IGFBP7: variants seen among roughly 807,000 people sequenced by gnomAD.
IGFBP7 encodes insulin-like growth factor-binding protein 7.
A neutral mutation model predicts 29.4 loss-of-function variants in IGFBP7; 31 were observed. The ratio of observed to expected loss-of-function variants is 1.05; its 90% confidence interval spans 0.79 to 1.42. The LOEUF (loss-of-function observed/expected upper bound fraction) is 1.42, where lower values mean the gene tolerates loss of function less well. Among genes scored for constraint, IGFBP7 ranks in the 40% most tolerant of loss-of-function variants. IGFBP7 has a pLI of 0.00. For missense variants in IGFBP7, 393 were observed against 395.5 expected, an observed-to-expected ratio of 0.99 and a Z score of 0.05; for synonymous variants, 172 against 174.9, an observed-to-expected ratio of 0.98 and a Z score of 0.13.
intron 1 of IGFBP7, among the ~76,000 whole-genome samples, chr4:57,054,303 GCTGA>G (rs1724586613): frequency 1.5e-5 from 2 of 130,526 alleles, no homozygotes; most frequent in Non-Finnish European, 3.4e-5. Flanking sequence ...TAGGCCCTGC[GCTGA>G]CTAACAAGAA....
At chr4:57,042,206 G>A (rs909399590) in intron 1 of IGFBP7, among the ~76,000 whole-genome samples, 1 of 152,182 alleles carries the variant, frequency 6.6e-6, no homozygotes, top group African/African-American at 2.4e-5. Context: ...CAAACCATGT[G>A]TATCCTTTTT....
intron 1 of IGFBP7, among the ~76,000 whole-genome samples, chr4:57,046,874 T>C (rs1724373585): frequency 6.6e-6 from 1 of 152,214 alleles, no homozygotes; most frequent in East Asian, 1.9e-4. Context: ...CAAACCAGGC[T>C]ACCCCACTTT....
chr4:57,073,074 C>T (rs904990027), intron 1 of IGFBP7: 8 of 1,535,618 alleles, frequency 5.2e-6, no homozygotes, highest in East Asian at 2.3e-5. Context: ...CCCCCCACAG[C>T]TTTTAAGAAG....
At chr4:57,072,045 T>C (rs188531200) in intron 1 of IGFBP7, among the ~76,000 whole-genome samples, 82 of 152,182 alleles carry the variant, frequency 5.4e-4, no homozygotes, top group Non-Finnish European at 2.4e-4. Context: ...GTTTGTTACA[T>C]AGGTAAATTT....
chr4:57,038,739 T>C (rs1429588296), intron 2 of IGFBP7, among the ~76,000 whole-genome samples: 6 of 152,112 alleles, frequency 3.9e-5, no homozygotes, highest in African/African-American at 1.4e-4. Flanking sequence ...TTTCGTAGGA[T>C]AGTTGTGAGG....
chr4:57,077,947 G>A (rs1260985852), intron 1 of IGFBP7, among the ~76,000 whole-genome samples: 3 of 152,096 alleles, frequency 2.0e-5, no homozygotes, highest in Non-Finnish European at 2.9e-5. Context: ...TCAATAAATC[G>A]GCACTATTAC....
chr4:57,084,788 GTTTT>G (rs57704332), intron 1 of IGFBP7, among the ~76,000 whole-genome samples: 2 of 113,102 alleles, frequency 1.8e-5, no homozygotes, highest in Non-Finnish European at 3.4e-5. Context: ...TTTAAAAAAG[GTTTT>G]TTTTTTTTTT....
chr4:57,100,067 C>CTT (rs1168409479), intron 1 of IGFBP7, among the ~76,000 whole-genome samples: 190 of 56,272 alleles, frequency 3.4e-3, no homozygotes, highest in Admixed American at 0.011. Flanking sequence ...TTTTTCTTTT[C>CTT]TTTCTTTTTT....
chr4:57,059,841 C>T (rs1724759175), intron 1 of IGFBP7, among the ~76,000 whole-genome samples: 2 of 152,188 alleles, frequency 1.3e-5, no homozygotes, highest in African/African-American at 4.8e-5. Context: ...ATCTAGAGCA[C>T]TAACTTGTAC....
chr4:57,038,509 G>C (rs1724138396), intron 2 of IGFBP7, among the ~76,000 whole-genome samples: 2 of 152,244 alleles, frequency 1.3e-5, no homozygotes, highest in South Asian at 4.1e-4. Context: ...ACTTGCAACA[G>C]AAAGAGCTCC....
intron 1 of IGFBP7, among the ~76,000 whole-genome samples, chr4:57,063,025 C>G (rs563407013): frequency 6.6e-6 from 1 of 152,200 alleles, no homozygotes; most frequent in Admixed American, 6.6e-5. Flanking sequence ...CCTCCTGAAC[C>G]CTGAGCTCCA....
At position 57,040,453 on chromosome 4, in the gene IGFBP7, C is replaced by T. The variant is rs138549842; in HGVS notation, c.585+371G>A. The stretch of plus-strand genomic sequence containing the variant: ...TTTGGGACAGAAAGAGAGAAACGTA[C>T]GCTTTTAACCCCTATGCTATACTGT... On this transcript the variant is annotated intron_variant, in intron 2 of 4. Transcript: ENST00000295666. Among the ~76,000 whole-genome samples the T allele has an allele frequency of 4.5e-4, 68 of 152,244 alleles. 1 individual carries two copies. The East Asian group carries it at 0.012, about 26-fold the overall frequency.
intron 1 of IGFBP7, among the ~76,000 whole-genome samples, chr4:57,098,498 C>A (rs1180512737): frequency 6.6e-6 from 1 of 152,114 alleles, no homozygotes; most frequent in Non-Finnish European, 1.5e-5. Flanking sequence ...TCTAGTGAAC[C>A]AAAGGCCCAG....
intron 2 of IGFBP7, among the ~76,000 whole-genome samples, chr4:57,039,065 C>CAAAAAAAAAAAAAA (rs71208974): frequency 3.8e-5 from 4 of 106,460 alleles, no homozygotes; most frequent in Non-Finnish European, 7.3e-5. Context: ...AACTATGTCT[C>CAAAAAAAAAAAAAA]AAAAAAAAAA....
chr4:57,090,042 C>T (rs11942508), intron 1 of IGFBP7, among the ~76,000 whole-genome samples: 1 of 152,196 alleles, frequency 6.6e-6, no homozygotes, highest in African/African-American at 2.4e-5. Context: ...CCATCTACAC[C>T]TAAACTCCCT....
Position 57,110,052 on chromosome 4 carries a change from T to A in IGFBP7, c.300A>T (p.Ala100=). Residue 100 remains alanine (A), a synonymous_variant, in exon 1 of 5, where the codon GCA becomes GCT. Coordinates refer to ENST00000295666, the MANE Select transcript of IGFBP7 (RefSeq NM_001553.3). ...SRKRRKGKAG[A]AAGGPGVSGV... ...CGCTTACACCCGGACCGCCGGCTGC[T>A]GCCCCGGCTTTACCCTTCCGCCTCT... The A allele has an allele frequency of 6.4e-7, 1 of 1,561,488 alleles. No individual in the cohort carries two copies. The highest frequency in any genetic ancestry group is 1.2e-5 in the South Asian group (1 of 85,856).
intron 1 of IGFBP7, among the ~76,000 whole-genome samples, chr4:57,056,578 C>G (rs1386015024): frequency 6.6e-6 from 1 of 152,138 alleles, no homozygotes; most frequent in African/African-American, 2.4e-5. Context: ...ATGGGGATGT[C>G]TCTCTGATCA....
chr4:57,080,297 A>G lies in IGFBP7; in HGVS notation c.475+29580T>C, dbSNP rs77292838. 3.8e-3 allele frequency among the ~76,000 whole-genome samples: 572 copies of G among 152,358 alleles called. 1 individual carries two copies. Among genetic ancestry groups the G allele is most frequent in the African/African-American group, 0.013 (543 of 41,582 alleles). The stretch of plus-strand genomic sequence containing the variant: ...TGGGAATACTTAGGACTTTAAAATG[A>G]GATAATTTCTCTACCTGTCTAAGAT... On this transcript the variant is annotated intron_variant, in intron 1 of 4. Transcript: ENST00000295666.
intron 1 of IGFBP7, among the ~76,000 whole-genome samples, chr4:57,068,689 T>C (rs1033921827): frequency 2.6e-5 from 4 of 152,186 alleles, no homozygotes; most frequent in Admixed American, 2.0e-4. Context: ...TCACAGTGCA[T>C]GTATATAATT....
Sources: allele counts gnomAD v4.1 joint callset (sites outside exome capture counted in the v4.1 genomes callset), GRCh38; gene constraint gnomAD v4.1.1; transcripts MANE v1.5; gene names NCBI Gene and HGNC (gene_info 2026-07-23, HGNC 2026-07-21).